TMEM132C: variants seen among roughly 807,000 people sequenced by gnomAD.
TMEM132C encodes the protein protein phosphatase 1, regulatory subunit 152.
In TMEM132C, 29 loss-of-function variants were observed where a neutral mutation model predicts 61.4. The observed-to-expected ratio is 0.47, with a 90% CI of 0.35 to 0.64. The LOEUF (loss-of-function observed/expected upper bound fraction) is 0.64, where lower values mean the gene tolerates loss of function less well. TMEM132C is among the 30% of genes least tolerant of loss of function. TMEM132C has a pLI of 0.00. For synonymous variants in TMEM132C, 656 were observed against 633.1 expected (o/e 1.04, Z -0.54); for missense variants, 1,408 against 1,476.9 (o/e 0.95, Z 0.76).
intron 1 of TMEM132C, among the ~76,000 whole-genome samples, chr12:128,393,274 C>G (rs76137155): frequency 6.6e-6 from 1 of 152,182 alleles, no homozygotes; most frequent in African/African-American, 2.4e-5. Context: ...TACATGAAGA[C>G]CAATTGGAAA....
chr12:128,418,811 G>C (rs7955301), intron 2 of TMEM132C, among the ~76,000 whole-genome samples: 1 of 152,224 alleles, frequency 6.6e-6, no homozygotes, highest in African/African-American at 2.4e-5. Context: ...AGGAAGTTCA[G>C]TTGGAAAATT....
chr12:128,683,770 C>A (rs1954653336), intron 5 of TMEM132C, among the ~76,000 whole-genome samples: 1 of 152,060 alleles, frequency 6.6e-6, no homozygotes, highest in Admixed American at 6.6e-5. Context: ...AGTTCGAGAC[C>A]AGCCTGATCA....
intron 2 of TMEM132C, among the ~76,000 whole-genome samples, chr12:128,422,491 C>T (rs1358801699): frequency 2.0e-5 from 3 of 152,290 alleles, no homozygotes; most frequent in East Asian, 1.9e-4. Context: ...GATTCATAGA[C>T]ATGGAAGAGA....
In TMEM132C at chr12:128,647,062, G is replaced by A. The variant is rs141693240; in HGVS notation, c.1306-22355G>A. Among the ~76,000 whole-genome samples the A allele has an allele frequency of 6.5e-4, 98 of 150,208 alleles. 1 individual carries two copies. The highest frequency in any genetic ancestry group is 2.2e-3 in the African/African-American group (89 of 41,010). ...AGTGTGTTTACTGGAGTGCATCAGC[G>A]TTGGATGTGAGTGTGTTTACTAGAT... On this transcript the variant is annotated intron_variant, in intron 4 of 8. Transcript: ENST00000435159.
At chr12:128,483,077 C>G (rs1270340200) in intron 2 of TMEM132C, among the ~76,000 whole-genome samples, 1 of 151,266 alleles carries the variant, frequency 6.6e-6, no homozygotes, top group East Asian at 2.0e-4. Flanking sequence ...GGCAATATAG[C>G]AAGACCCCAT....
chr12:128,412,821 C>T (rs1027822041), intron 1 of TMEM132C, among the ~76,000 whole-genome samples: 1 of 152,172 alleles, frequency 6.6e-6, no homozygotes, highest in Non-Finnish European at 1.5e-5. Context: ...GTATACTCAG[C>T]CTTCTGCACC....
chr12:128,491,209 G>A (rs531488991), intron 2 of TMEM132C, among the ~76,000 whole-genome samples: 1 of 152,284 alleles, frequency 6.6e-6, no homozygotes, highest in East Asian at 1.9e-4. Context: ...ATAAGGAGCA[G>A]GAACTCTAGC....
intron 3 of TMEM132C, among the ~76,000 whole-genome samples, chr12:128,590,166 A>T (rs1000532468): frequency 2.0e-5 from 3 of 152,184 alleles, no homozygotes; most frequent in African/African-American, 7.2e-5. Context: ...GCACACGTGT[A>T]CCCGTTGGAG....
intron 1 of TMEM132C, among the ~76,000 whole-genome samples, chr12:128,343,608 A>G (rs147715193): frequency 3.5e-4 from 54 of 152,334 alleles, no homozygotes; most frequent in African/African-American, 1.3e-3. Context: ...TTATTGAGAC[A>G]TAATTTACAT....
At chr12:128,472,308 C>T (rs911648235) in intron 2 of TMEM132C, among the ~76,000 whole-genome samples, 4 of 152,240 alleles carry the variant, frequency 2.6e-5, no homozygotes, top group Non-Finnish European at 5.9e-5. Context: ...AGTATAATCT[C>T]CCCACCTCTC....
intron 1 of TMEM132C, among the ~76,000 whole-genome samples, chr12:128,354,516 TTCTC>T (rs1056992142): frequency 2.6e-5 from 4 of 151,840 alleles, no homozygotes; most frequent in Admixed American, 6.6e-5. Context: ...TCCCTCCTTC[TTCTC>T]TCTCTCTTTG....
At chr12:128,426,963 A>T (rs1164971221) in intron 2 of TMEM132C, among the ~76,000 whole-genome samples, 2 of 152,198 alleles carry the variant, frequency 1.3e-5, no homozygotes, top group African/African-American at 4.8e-5. Flanking sequence ...CACATGAATT[A>T]GTGGACCTGT....
rs2136148469 is a variant in TMEM132C at position 128,543,990 on chromosome 12, T to C, written c.1008T>C (p.Ser336=). The change falls in exon 3 of 9, where the codon AGT becomes AGC. Residue 336 remains serine, a synonymous_variant. Transcript: ENST00000435159. Reference sequence around the variant, plus strand: ...TGAAGAAGGGGGTGAACATCCTGAGTGCTCAGACCCGTGAGCCCCGGCAGT... The same window carrying C: ...TGAAGAAGGGGGTGAACATCCTGAGCGCTCAGACCCGTGAGCCCCGGCAGT... ...AKVKKGVNIL[S]AQTREPRQWG... 1 of 1,548,434 alleles carries C rather than the reference T, an allele frequency of 6.5e-7. No individual in the cohort carries two copies. Among genetic ancestry groups the C allele is most frequent in the Non-Finnish European group, 8.7e-7 (1 of 1,145,704 alleles).
intron 1 of TMEM132C, among the ~76,000 whole-genome samples, chr12:128,311,098 C>T (rs114785332): frequency 0.024 from 3,594 of 152,320 alleles, 59 homozygotes; most frequent in African/African-American, 0.045. Context: ...ATTATTCTTA[C>T]GAATACTAGT....
intron 1 of TMEM132C, among the ~76,000 whole-genome samples, chr12:128,300,400 A>T (rs982047163): frequency 6.6e-6 from 1 of 152,072 alleles, no homozygotes; most frequent in African/African-American, 2.4e-5. Context: ...TTCTCATTTG[A>T]AGGAGGCATT....
At chr12:128,286,062 CCT>C (rs138264526) in intron 1 of TMEM132C, among the ~76,000 whole-genome samples, 19 of 92,234 alleles carry the variant, frequency 2.1e-4, no homozygotes, top group Middle Eastern at 8.2e-3. Context: ...TCTCTCCCTT[CCT>C]CTCTCTCTCT....
chr12:128,276,346 A>G (rs944676361), intron 1 of TMEM132C, among the ~76,000 whole-genome samples: 2 of 152,208 alleles, frequency 1.3e-5, no homozygotes, highest in African/African-American at 4.8e-5. Context: ...ACACAAAGCA[A>G]AGAAAACAGA....
chr12:128,379,600 G>A (rs1214143580), intron 1 of TMEM132C, among the ~76,000 whole-genome samples: 1 of 152,172 alleles, frequency 6.6e-6, no homozygotes, highest in Non-Finnish European at 1.5e-5. Context: ...CATTGCTCCA[G>A]TCTCTGCCTC....
intron 5 of TMEM132C, among the ~76,000 whole-genome samples, chr12:128,672,774 G>A (rs940311316): frequency 3.9e-5 from 6 of 152,192 alleles, no homozygotes; most frequent in African/African-American, 1.4e-4. Context: ...GAGAGAAGAT[G>A]GGGAGGGAAT....
Sources: gnomAD v4.1 joint callset for allele counts (sites outside exome capture counted in the v4.1 genomes callset) on GRCh38, gnomAD v4.1.1 for gene constraint, MANE v1.5 for transcripts, NCBI Gene and HGNC (gene_info 2026-07-23, HGNC 2026-07-21) for gene names.